RUNX1: variants seen among roughly 807,000 people sequenced by gnomAD.
RUNX1 encodes the protein RUNX family transcription factor 1.
RUNX1 carries 19 observed loss-of-function variants against 42.8 expected under a neutral mutation model. The ratio of observed to expected loss-of-function variants is 0.44; its 90% CI spans 0.31 to 0.65. The LOEUF is 0.65. RUNX1 is among the 30% of genes least tolerant of loss of function. RUNX1 has a pLI of 0.07. For synonymous variants in RUNX1, 271 were observed against 289.4 expected, an observed-to-expected ratio of 0.94 and a Z score of 0.64; for missense variants, 528 against 672.0, an observed-to-expected ratio of 0.79 and a Z score of 2.37.
intron 2 of RUNX1, among the ~76,000 whole-genome samples, chr21:35,040,770 CCAAAAAAAA>C (rs1344783216): frequency 2.2e-4 from 11 of 50,988 alleles, no homozygotes; most frequent in African/African-American, 5.4e-4. Context: ...TAGACTCCAT[CCAAAAAAAA>C]AAAAAAAAAA....
At chr21:35,032,946 C>T (rs2059282851) in intron 2 of RUNX1, among the ~76,000 whole-genome samples, 1 of 152,204 alleles carries the variant, frequency 6.6e-6, no homozygotes, top group Non-Finnish European at 1.5e-5. Context: ...GAAGCTCCCT[C>T]CATCCATTGG....
intron 3 of RUNX1, among the ~76,000 whole-genome samples, chr21:34,892,147 A>T (rs1216228522): frequency 6.6e-6 from 1 of 152,250 alleles, no homozygotes. Flanking sequence ...GACCATTTAC[A>T]TTTTAAAAAA....
intron 6 of RUNX1, among the ~76,000 whole-genome samples, chr21:34,849,392 A>AATATATTATACTATATATAATATATT (rs2057377949): frequency 4.0e-5 from 2 of 50,280 alleles, no homozygotes; most frequent in Non-Finnish European, 7.1e-5. Flanking sequence ...TAGTATATAT[A>AATATATTATACTATATATAATATATT]ATATATTATA....
At chr21:34,888,246 G>A in intron 3 of RUNX1, 9 of 1,066,978 alleles carry the variant, frequency 8.4e-6, no homozygotes, top group Non-Finnish European at 9.1e-6. Context: ...CCGCGTAACC[G>A]CAGCAGGTGG....
At chr21:34,893,711 G>C (rs930457641) in intron 2 of RUNX1, among the ~76,000 whole-genome samples, 2 of 150,992 alleles carry the variant, frequency 1.3e-5, no homozygotes, top group African/African-American at 2.4e-5. Flanking sequence ...CAGGATTTGA[G>C]CATTTCAAAT....
chr21:34,959,981 G>C (rs557506140), intron 2 of RUNX1, among the ~76,000 whole-genome samples: 25 of 152,262 alleles, frequency 1.6e-4, no homozygotes, highest in South Asian at 4.2e-4. Flanking sequence ...GTGAGGTTAT[G>C]TTCAGAGGGC....
intron 6 of RUNX1, among the ~76,000 whole-genome samples, chr21:34,849,433 T>TAG (rs1569052844): frequency 6.3e-5 from 3 of 47,438 alleles, no homozygotes; most frequent in East Asian, 7.7e-4. Context: ...AGTATATATA[T>TAG]TATATATATA....
rs755253724 is a variant in RUNX1, at chr21:34,880,530, C to T, written c.508+27G>A. 3 of 1,612,936 alleles carry T rather than the reference C, an allele frequency of 1.9e-6. No individual in the cohort carries two copies. In the South Asian group the frequency reaches 3.3e-5, roughly 18 times the overall value. On this transcript the variant is annotated intron_variant, in intron 5 of 8. Coordinates refer to ENST00000675419, the MANE Select transcript of RUNX1 (RefSeq NM_001754.5). Reference sequence around the variant, plus strand: ...GGGTTTGTTGCCATGAAACGTGTTTCAAGCATAGTTTTGACAGATAACGTA... The same window carrying T: ...GGGTTTGTTGCCATGAAACGTGTTTTAAGCATAGTTTTGACAGATAACGTA...
chr21:35,001,740 A>G (rs1156404712), intron 2 of RUNX1, among the ~76,000 whole-genome samples: 1 of 152,208 alleles, frequency 6.6e-6, no homozygotes, highest in Non-Finnish European at 1.5e-5. Flanking sequence ...TATATGTAGA[A>G]AACTCTAAAG....
chr21:34,927,081 T>C (rs763637161), intron 2 of RUNX1, among the ~76,000 whole-genome samples: 1 of 151,784 alleles, frequency 6.6e-6, no homozygotes, highest in African/African-American at 2.4e-5. Flanking sequence ...CCGCCAGCAG[T>C]AGGAAAAAAA....
rs149967228 is a variant in RUNX1, at chr21:34,997,600, A to G, written c.58+51242T>C. Among the ~76,000 whole-genome samples, 62 of 152,364 alleles carry G rather than the reference A, an allele frequency of 4.1e-4. No individual in the cohort carries two copies. In the East Asian group the frequency reaches 0.011, roughly 28 times the overall value. ...CTGACGATCAGCTTCAATAGATGAT[A>G]GAACTGTTGCTTATTTGGAGACTTT... On this transcript the variant is annotated intron_variant, in intron 2 of 8. Coordinates refer to ENST00000675419, the MANE Select transcript of RUNX1 (RefSeq NM_001754.5).
chr21:34,797,061 C>T (rs2056539357), intron 8 of RUNX1, among the ~76,000 whole-genome samples: 1 of 152,170 alleles, frequency 6.6e-6, no homozygotes, highest in South Asian at 2.1e-4. Context: ...ATGTATTCCA[C>T]CCCCCTCCTG....
At chr21:34,798,861 C>G (rs917102190) in intron 8 of RUNX1, among the ~76,000 whole-genome samples, 3 of 151,908 alleles carry the variant, frequency 2.0e-5, no homozygotes, top group African/African-American at 4.8e-5. Context: ...CCATGGATAC[C>G]AAGGGGCGGC....
intron 2 of RUNX1, among the ~76,000 whole-genome samples, chr21:34,930,031 ATTCT>A (rs1430374304): frequency 6.6e-6 from 1 of 151,336 alleles, no homozygotes; most frequent in Non-Finnish European, 1.5e-5. Flanking sequence ...TCAAGAATAA[ATTCT>A]TTCTCTCTCT....
chr21:34,984,750 C>T (rs1175630370), intron 2 of RUNX1, among the ~76,000 whole-genome samples: 2 of 152,146 alleles, frequency 1.3e-5, no homozygotes, highest in African/African-American at 4.8e-5. Context: ...TGCAGAAGCA[C>T]AGTTATGTGG....
At chr21:35,012,039 T>C (rs2059129914) in intron 2 of RUNX1, among the ~76,000 whole-genome samples, 1 of 152,244 alleles carries the variant, frequency 6.6e-6, no homozygotes, top group Non-Finnish European at 1.5e-5. Context: ...AGAAGGTAGC[T>C]GGTCAGAAAC....
chr21:34,830,092 T>C (rs1346486019), intron 7 of RUNX1: 1 of 152,194 alleles, frequency 6.6e-6, no homozygotes, highest in Non-Finnish European at 1.5e-5. Context: ...TTACTTGGAA[T>C]ACTAAAAATC....
chr21:35,006,443 C>A (rs771822436), intron 2 of RUNX1, among the ~76,000 whole-genome samples: 1 of 152,188 alleles, frequency 6.6e-6, no homozygotes, highest in African/African-American at 2.4e-5. Flanking sequence ...GAGCACCCTT[C>A]CTCTAGCAGA....
At chr21:34,958,678 G>T (rs1449734449) in intron 2 of RUNX1, among the ~76,000 whole-genome samples, 1 of 152,176 alleles carries the variant, frequency 6.6e-6, no homozygotes, top group Admixed American at 6.5e-5. Flanking sequence ...AATACCATTT[G>T]ACCCAGCCAT....
Sources: gnomAD v4.1 joint callset for allele counts (sites outside exome capture counted in the v4.1 genomes callset) on GRCh38, gnomAD v4.1.1 for gene constraint, MANE v1.5 for transcripts, NCBI Gene and HGNC (gene_info 2026-07-23, HGNC 2026-07-21) for gene names.